RP1: variants seen among roughly 807,000 people sequenced by gnomAD.
RP1 encodes the protein oxygen-regulated protein 1.
A neutral mutation model predicts 14.8 loss-of-function variants in RP1; 16 were observed. The ratio of observed to expected loss-of-function variants is 1.08; its 90% confidence interval spans 0.73 to 1.65. RP1 has a LOEUF of 1.65. Ranked by LOEUF, RP1 falls within the 40% of genes most tolerant of loss-of-function variation. The pLI is 0.00. For missense variants in RP1, 2,631 were observed against 2,535.0 expected (o/e 1.04, Z -0.81); for synonymous variants, 876 against 883.6 (o/e 0.99, Z 0.15).
chr8:54,688,776 G>A (rs1342839403), intron 12 of RP1, among the ~76,000 whole-genome samples: 2 of 152,148 alleles, frequency 1.3e-5, no homozygotes, highest in Admixed American at 6.6e-5. Context: ...TTTTGGCTTA[G>A]GATTGTCTTG....
Position 54,626,032 on chromosome 8 carries a change from C to T in RP1, c.2150C>T (p.Ser717Leu), listed in dbSNP as rs1270635237. 11 of 1,613,756 alleles carry T rather than the reference C, an allele frequency of 6.8e-6. No homozygotes were observed. The highest frequency in any genetic ancestry group is 9.3e-6 in the Non-Finnish European group (11 of 1,179,918). Residue 717 changes from serine (S) to leucine (L), a missense_variant, in exon 4 of 4, where the codon TCA (serine) becomes TTA (leucine). Coordinates refer to ENST00000220676, the MANE Select transcript of RP1 (RefSeq NM_006269.2). ...RITKEMIVQD[S>L]DSPLKGGILC... ...ACAAAGGAAATGATAGTGCAAGATTCAGATAGTCCCCTTAAAGGAGGGATA... is the reference window on the plus strand; with the variant it reads ...ACAAAGGAAATGATAGTGCAAGATTTAGATAGTCCCCTTAAAGGAGGGATA...
chr8:54,703,644 A>G (rs1236825008), intron 14 of RP1, among the ~76,000 whole-genome samples: 2 of 152,192 alleles, frequency 1.3e-5, no homozygotes, highest in African/African-American at 4.8e-5. Context: ...TTATCCTTTG[A>G]AGCTTTGAAG....
chr8:54,748,052 T>C (rs949877794), intron 19 of RP1, among the ~76,000 whole-genome samples: 2 of 152,228 alleles, frequency 1.3e-5, no homozygotes, highest in African/African-American at 4.8e-5. Context: ...TTGAAGTGGG[T>C]CATAGGTTTT....
intron 22 of RP1, among the ~76,000 whole-genome samples, chr8:54,765,989 T>C (rs1314811754): frequency 2.0e-5 from 3 of 151,396 alleles, no homozygotes; most frequent in Non-Finnish European, 4.4e-5. Flanking sequence ...TATTTATAGA[T>C]AGGAATGGGG....
chr8:54,614,796 TG>T (rs1361298643), upstream of RP1, among the ~76,000 whole-genome samples: 1 of 152,198 alleles, frequency 6.6e-6, no homozygotes, highest in African/African-American at 2.4e-5. Context: ...CTTCTGGCCC[TG>T]GCCCACCTTT....
chr8:54,722,882 C>T (rs1231667079), intron 16 of RP1, among the ~76,000 whole-genome samples: 1 of 152,176 alleles, frequency 6.6e-6, no homozygotes, highest in Admixed American at 6.5e-5. Context: ...AATGTCTACA[C>T]GCTGCCTGGT....
intron 15 of RP1, among the ~76,000 whole-genome samples, chr8:54,717,613 A>G (rs1046465077): frequency 3.3e-5 from 5 of 152,186 alleles, no homozygotes; most frequent in African/African-American, 9.6e-5. Flanking sequence ...CTTGATTAAG[A>G]ATACCTACAA....
chr8:54,583,288 A>G (rs193001237), intron 1 of RP1, among the ~76,000 whole-genome samples: 2 of 152,156 alleles, frequency 1.3e-5, no homozygotes, highest in Non-Finnish European at 2.9e-5. Flanking sequence ...TTCTGTTTAT[A>G]TGCTGGATTA....
At chr8:54,752,807 A>G (rs573715777) in intron 19 of RP1, among the ~76,000 whole-genome samples, 18 of 152,330 alleles carry the variant, frequency 1.2e-4, no homozygotes, top group African/African-American at 4.3e-4. Context: ...ACCCATACAG[A>G]TTTAGGGAGA....
At chr8:54,705,204 C>T (rs1808120472) in intron 14 of RP1, among the ~76,000 whole-genome samples, 1 of 151,946 alleles carries the variant, frequency 6.6e-6, no homozygotes, top group Non-Finnish European at 1.5e-5. Flanking sequence ...ACCGGAAGAA[C>T]TCACAGAACC....
intron 19 of RP1, among the ~76,000 whole-genome samples, chr8:54,754,112 G>A (rs928257966): frequency 6.6e-6 from 1 of 152,200 alleles, no homozygotes; most frequent in African/African-American, 2.4e-5. Flanking sequence ...AGCCACCAAA[G>A]GGGCTGACAA....
chr8:54,823,770 T>C (rs57498959), intron 24 of RP1, among the ~76,000 whole-genome samples: 47,947 of 152,112 alleles, frequency 0.32, 7,721 homozygotes, highest in South Asian at 0.37. Flanking sequence ...TAAATATGTA[T>C]GAGACTTTGT....
intron 1 of RP1, among the ~76,000 whole-genome samples, chr8:54,605,891 G>T (rs1482043243): frequency 6.6e-6 from 1 of 151,664 alleles, no homozygotes; most frequent in African/African-American, 2.4e-5. Context: ...CCATTTGCTT[G>T]GTAGATCTTC....
At chr8:54,691,225 T>C (rs1807702270) in intron 12 of RP1, among the ~76,000 whole-genome samples, 1 of 152,022 alleles carries the variant, frequency 6.6e-6, no homozygotes, top group South Asian at 2.1e-4. Context: ...CTTTGAGTAC[T>C]TCAGTGGGAA....
At chr8:54,574,993 T>C (rs141358172) in intron 1 of RP1, among the ~76,000 whole-genome samples, 26 of 152,312 alleles carry the variant, frequency 1.7e-4, no homozygotes, top group African/African-American at 6.0e-4. Flanking sequence ...ATATTGAAAC[T>C]TCCACTGCCG....
At chr8:54,739,015 T>C (rs1232752865) in exon 19 of RP1, 1 of 1,531,094 alleles carries the variant, frequency 6.5e-7, no homozygotes, top group Admixed American at 2.0e-5. Context: ...GCAACCCGAG[T>C]GGAACTTGCA....
intron 25 of RP1, among the ~76,000 whole-genome samples, chr8:54,845,348 C>A (rs1563394223): frequency 6.6e-6 from 1 of 152,158 alleles, no homozygotes; most frequent in Non-Finnish European, 1.5e-5. Flanking sequence ...GTGCACAAGA[C>A]TCATCAACGG....
chr8:54,637,452 C>A (rs932813561), intron 3 of RP1, among the ~76,000 whole-genome samples: 3 of 152,108 alleles, frequency 2.0e-5, no homozygotes, highest in Non-Finnish European at 2.9e-5. Context: ...TATTTCTTAT[C>A]AAAGTTATAC....
intron 14 of RP1, among the ~76,000 whole-genome samples, chr8:54,705,733 A>G (rs1044429901): frequency 6.6e-6 from 1 of 151,490 alleles, no homozygotes; most frequent in Admixed American, 6.6e-5. Flanking sequence ...GAAAACACCC[A>G]CCTCACTGAC....
Sources: gnomAD v4.1 joint callset for allele counts (sites outside exome capture counted in the v4.1 genomes callset) on GRCh38, gnomAD v4.1.1 for gene constraint, MANE v1.5 for transcripts, NCBI Gene and HGNC (gene_info 2026-07-23, HGNC 2026-07-21) for gene names.